RYR2: variants seen among roughly 807,000 people sequenced by gnomAD.
RYR2 encodes the protein cardiac muscle ryanodine receptor-calcium release channel.
RYR2 carries 227 observed loss-of-function variants against 601.1 expected under a neutral mutation model. The observed-to-expected ratio is 0.38, with a 90% CI of 0.34 to 0.42. The LOEUF (loss-of-function observed/expected upper bound fraction) is 0.42. Ranked by LOEUF, RYR2 falls within the 10% of genes least tolerant of loss-of-function variation. The pLI is 1.00. For missense variants in RYR2, 4,646 were observed against 6,156.5 expected, an observed-to-expected ratio of 0.75 and a Z score of 8.21; for synonymous variants, 2,223 against 2,175.1, an observed-to-expected ratio of 1.02 and a Z score of -0.61.
At chr1:237,073,842 G>T (rs1227457147) in intron 1 of RYR2, among the ~76,000 whole-genome samples, 2 of 139,672 alleles carry the variant, frequency 1.4e-5, no homozygotes, top group African/African-American at 2.7e-5. Flanking sequence ...CTGTACTCCA[G>T]CCTGGGCGAC....
intron 1 of RYR2, among the ~76,000 whole-genome samples, chr1:237,223,262 G>C (rs1019813256): frequency 7.2e-5 from 11 of 152,154 alleles, no homozygotes; most frequent in African/African-American, 2.4e-4. Context: ...CTGGCATCTG[G>C]TTAGGGTCTT....
Position 237,670,985 on chromosome 1 carries a change from C to T in RYR2, c.8590+3027C>T, listed in dbSNP as rs75461114. ...CATTATTTAAATTTCTGAGCCAGAT[C>T]GATATTTTCTTTAAGTCATACCACT... On this transcript the variant is annotated intron_variant, in intron 58 of 104. Transcript: ENST00000366574. Among the ~76,000 whole-genome samples the T allele has an allele frequency of 7.8e-3, 1,182 of 152,184 alleles. 13 individuals carry two copies. Among genetic ancestry groups the T allele is most frequent in the East Asian group, 0.045 (231 of 5,172 alleles).
At chr1:237,711,378 G>A (rs987931154) in intron 70 of RYR2, among the ~76,000 whole-genome samples, 3 of 152,248 alleles carry the variant, frequency 2.0e-5, no homozygotes, top group East Asian at 1.9e-4. Context: ...AGAAAGTTAC[G>A]TCATAGTTCT....
chr1:237,416,427 A>G (rs1376361192), intron 10 of RYR2, among the ~76,000 whole-genome samples: 2 of 152,210 alleles, frequency 1.3e-5, no homozygotes, highest in Non-Finnish European at 2.9e-5. Flanking sequence ...TGTATGGCAT[A>G]TTAACACATT....
chr1:237,341,696 C>A (rs1454018976), intron 3 of RYR2: 1 of 509,588 alleles, frequency 2.0e-6, no homozygotes, highest in Non-Finnish European at 3.9e-6. Context: ...AATTTATAGA[C>A]CAAAATCAAG....
intron 10 of RYR2, among the ~76,000 whole-genome samples, chr1:237,397,016 T>A (rs535852241): frequency 5.9e-5 from 9 of 152,042 alleles, no homozygotes; most frequent in Non-Finnish European, 1.2e-4. Context: ...TGTAATCCCA[T>A]CACTTTGAGA....
In RYR2 at chr1:237,454,593, T is replaced by A; in HGVS notation, c.1476+19T>A. 1 of 1,608,360 alleles carries A rather than the reference T, an allele frequency of 6.2e-7. No homozygotes were observed. The highest frequency in any genetic ancestry group is 8.5e-7 in the Non-Finnish European group (1 of 1,176,614). On this transcript the variant is annotated intron_variant, in intron 15 of 104. Coordinates refer to ENST00000366574, the MANE Select transcript of RYR2 (RefSeq NM_001035.3). Reference sequence around the variant, plus strand: ...GGAAGAGGTCCGTTTCTATCAACACTCATTTCTCTTCTGTTATTCTCTTGT... The same window carrying A: ...GGAAGAGGTCCGTTTCTATCAACACACATTTCTCTTCTGTTATTCTCTTGT...
At chr1:237,445,978 A>G (rs1002095946) in intron 14 of RYR2, among the ~76,000 whole-genome samples, 1 of 151,798 alleles carries the variant, frequency 6.6e-6, no homozygotes, top group Non-Finnish European at 1.5e-5. Context: ...CACCATGCCT[A>G]GCTAATTTTT....
chr1:237,784,383 A>C lies in RYR2; in HGVS notation c.12671A>C (p.Glu4224Ala). Residue 4224 changes from glutamate (E) to alanine (A), a missense_variant, in exon 90 of 105, where the codon GAG becomes GCG. By Grantham distance (107) the Glu-to-Ala change is moderately radical (BLOSUM62 -1). Around this residue, in one of 17 missense-constraint regions of RYR2, gnomAD observed 364 missense variants for 442.9 expected, o/e 0.82. Coordinates refer to ENST00000366574, the MANE Select transcript of RYR2 (RefSeq NM_001035.3). The surrounding 1 kb of genome is among the most constrained non-coding windows in gnomAD (Gnocchi z 7.1). ...GCGAATAAGGAAGAAAGCGAGAAGG[A>C]GAGGCCGGAAGAGCAGGGGCCGAGG... is the stretch of plus-strand genomic sequence containing the variant. ...RSANKEESEKERPEEQGPRMA... is the reference protein window; with the variant it reads ...RSANKEESEKARPEEQGPRMA... 2 of 1,613,952 alleles carry C rather than the reference A, an allele frequency of 1.2e-6. No homozygotes were observed. Among genetic ancestry groups the C allele is most frequent in the Non-Finnish European group, 1.7e-6 (2 of 1,179,870 alleles).
At chr1:237,612,658 A>C (rs1041211104) in intron 36 of RYR2, among the ~76,000 whole-genome samples, 1 of 152,130 alleles carries the variant, frequency 6.6e-6, no homozygotes, top group African/African-American at 2.4e-5. Context: ...GTTTTTTAAG[A>C]AAATACCGAA....
chr1:237,741,087 C>T (rs1691566213), intron 79 of RYR2, among the ~76,000 whole-genome samples: 1 of 152,170 alleles, frequency 6.6e-6, no homozygotes, highest in Non-Finnish European at 1.5e-5. Flanking sequence ...TAACATATTA[C>T]CCAGACAATG....
chr1:237,740,315 GA>G (rs1461521815), intron 79 of RYR2, among the ~76,000 whole-genome samples: 1 of 152,114 alleles, frequency 6.6e-6, no homozygotes, highest in Non-Finnish European at 1.5e-5. Context: ...TAGGTTTGGT[GA>G]ATTTGTCAGA....
At chr1:237,500,135 T>C (rs1277563406) in intron 20 of RYR2, among the ~76,000 whole-genome samples, 1 of 152,240 alleles carries the variant, frequency 6.6e-6, no homozygotes, top group Non-Finnish European at 1.5e-5. Flanking sequence ...TGATCATATT[T>C]TCTGCTTTCG....
chr1:237,830,422 G>A, intron 102 of RYR2, 108 bp from the exon 103 acceptor site: 1 of 728,828 alleles, frequency 1.4e-6, no homozygotes. Flanking sequence ...GATGATCTTT[G>A]ACGTGTATTG....
chr1:237,775,075 C>CAAAAA (rs5781992), intron 87 of RYR2, among the ~76,000 whole-genome samples: 26 of 90,432 alleles, frequency 2.9e-4, no homozygotes, highest in South Asian at 8.1e-4. Context: ...CAATAAGAAC[C>CAAAAA]AAAAAAAAAA....
At chr1:237,500,592 C>A in intron 20 of RYR2, 119 bp from the exon 21 acceptor site, 1 of 743,750 alleles carries the variant, frequency 1.3e-6, no homozygotes. Flanking sequence ...AAGATTTATT[C>A]CTTCTGATGT....
chr1:237,091,779 C>T (rs933972490), intron 1 of RYR2, among the ~76,000 whole-genome samples: 1 of 152,162 alleles, frequency 6.6e-6, no homozygotes, highest in Non-Finnish European at 1.5e-5. Flanking sequence ...TCTGATTTCT[C>T]CTTCCTCTGA....
chr1:237,698,989 A>G lies in RYR2; in HGVS notation c.9092A>G (p.Asn3031Ser). Reference sequence around the variant, plus strand: ...GGCAATGATGCAACATCAATTGTCAACTGTCTTCATATTTTGGGTCAGACT... The same window carrying G: ...GGCAATGATGCAACATCAATTGTCAGCTGTCTTCATATTTTGGGTCAGACT... ...LFGNDATSIV[N>S]CLHILGQTLD... The change falls in exon 64 of 105, where the codon AAC becomes AGC. Residue 3031 changes from asparagine (N) to serine (S), a missense_variant. Asn to Ser is a conservative substitution (Grantham distance 46, BLOSUM62 1). Transcript: ENST00000366574. The G allele has an allele frequency of 1.3e-6, 2 of 1,557,362 alleles. No homozygotes were observed. Among genetic ancestry groups the G allele is most frequent in the South Asian group, 1.2e-5 (1 of 83,718 alleles).
intron 102 of RYR2, among the ~76,000 whole-genome samples, chr1:237,829,061 G>C (rs1259536735): frequency 6.6e-6 from 1 of 152,124 alleles, no homozygotes; most frequent in African/African-American, 2.4e-5. Flanking sequence ...TTTCTTAGCA[G>C]CCTCAGTGCT....
Sources: gnomAD v4.1 joint callset for allele counts (sites outside exome capture counted in the v4.1 genomes callset) on GRCh38, gnomAD v4.1.1 for gene constraint, gnomAD v4.1.1 regional missense constraint, Gnocchi (gnomAD v3.1) non-coding constraint, MANE v1.5 for transcripts, NCBI Gene and HGNC (gene_info 2026-07-23, HGNC 2026-07-21) for gene names.